The following RFC3 variants were observed in gnomAD, a reference collection of about 807,000 sequenced individuals.
The protein encoded by RFC3 is A1 38 kDa subunit.
In RFC3, 41 loss-of-function variants were observed where a neutral mutation model predicts 45.1. That is an observed-to-expected ratio of 0.91 (90% CI 0.71 to 1.18). The LOEUF (loss-of-function observed/expected upper bound fraction) is 1.18, where lower values mean the gene tolerates loss of function less well. Among genes scored for constraint, RFC3 ranks in the 50% most tolerant of loss-of-function variants. The pLI, the probability that RFC3 is intolerant of heterozygous loss-of-function variation, is 0.00. For synonymous variants in RFC3, 149 were observed against 144.0 expected (o/e 1.03, Z -0.25); for missense variants, 423 against 428.1 (o/e 0.99, Z 0.10).
intron 8 of RFC3, among the ~76,000 whole-genome samples, chr13:33,944,296 C>T (rs888040402): frequency 1.4e-4 from 22 of 152,140 alleles, no homozygotes; most frequent in African/African-American, 5.1e-4. Context: ...CTTTGCAAAT[C>T]CCTACATTTG....
intron 8 of RFC3, among the ~76,000 whole-genome samples, chr13:33,889,423 C>T (rs1401664857): frequency 2.6e-5 from 4 of 152,134 alleles, no homozygotes; most frequent in African/African-American, 4.8e-5. Context: ...TTAACATTCT[C>T]TTTATAGTTG....
intron 8 of RFC3, among the ~76,000 whole-genome samples, chr13:33,961,607 C>A (rs1377056944): frequency 6.6e-6 from 1 of 152,132 alleles, no homozygotes; most frequent in African/African-American, 2.4e-5. Context: ...GCCTAGGTTT[C>A]CAGGGTAAAG....
At chr13:33,861,229 G>A (rs757158673) in intron 8 of RFC3, among the ~76,000 whole-genome samples, 1 of 152,172 alleles carries the variant, frequency 6.6e-6, no homozygotes, top group Non-Finnish European at 1.5e-5. Context: ...ATTTCTTAGA[G>A]CATTGATGAT....
At chr13:33,824,625 C>G (rs1410367989) in intron 3 of RFC3, among the ~76,000 whole-genome samples, 1 of 151,978 alleles carries the variant, frequency 6.6e-6, no homozygotes, top group East Asian at 1.9e-4. Context: ...CAGTCATATT[C>G]AACATGGGCA....
At chr13:33,895,741 A>C (rs2082593602) in intron 8 of RFC3, among the ~76,000 whole-genome samples, 1 of 152,206 alleles carries the variant, frequency 6.6e-6, no homozygotes. Context: ...AATTGCAAAG[A>C]CATGGAACCA....
chr13:33,863,752 A>T (rs184163368), intron 8 of RFC3, among the ~76,000 whole-genome samples: 1 of 152,176 alleles, frequency 6.6e-6, no homozygotes, highest in Non-Finnish European at 1.5e-5. Context: ...GCCCTGCTGT[A>T]TAAGTACTCT....
chr13:33,958,579 G>C (rs951577446), intron 8 of RFC3, among the ~76,000 whole-genome samples: 5 of 152,236 alleles, frequency 3.3e-5, no homozygotes, highest in Non-Finnish European at 7.3e-5. Flanking sequence ...ACAGCATAGA[G>C]ACGGAAAACA....
chr13:33,876,330 A>C (rs1005687258), intron 8 of RFC3, among the ~76,000 whole-genome samples: 13 of 152,136 alleles, frequency 8.5e-5, no homozygotes, highest in Non-Finnish European at 1.6e-4. Flanking sequence ...TGAAGGCAAA[A>C]AGCACCCCTG....
intron 8 of RFC3, among the ~76,000 whole-genome samples, chr13:33,915,282 G>A (rs2082725818): frequency 6.6e-6 from 1 of 152,104 alleles, no homozygotes; most frequent in Admixed American, 6.6e-5. Flanking sequence ...AGAGAATTCA[G>A]GAGATAAAAT....
intron 8 of RFC3, among the ~76,000 whole-genome samples, chr13:33,857,333 C>A (rs150361091): frequency 6.6e-6 from 1 of 152,262 alleles, no homozygotes; most frequent in East Asian, 1.9e-4. Flanking sequence ...GCTCTTCCTA[C>A]AGAATGGACT....
intron 8 of RFC3, among the ~76,000 whole-genome samples, chr13:33,896,121 A>C (rs1212151463): frequency 2.0e-5 from 3 of 151,988 alleles, no homozygotes; most frequent in Non-Finnish European, 4.4e-5. Flanking sequence ...ATTTGTTTGC[A>C]TAACAAAAAA....
the RFC3 span, among the ~76,000 whole-genome samples, chr13:33,975,141 A>G: frequency 1.3e-5 from 2 of 152,230 alleles, no homozygotes; most frequent in Non-Finnish European, 2.9e-5. Context: ...AGTAACCAAG[A>G]CGTCCTTCAA....
At chr13:33,971,671 A>G in the RFC3 span, among the ~76,000 whole-genome samples, 2 of 152,272 alleles carry the variant, frequency 1.3e-5, no homozygotes, top group African/African-American at 4.8e-5. Context: ...GCAGCATTTC[A>G]TCACAAGAAC....
intron 8 of RFC3, 91 bp downstream of exon 8, chr13:33,835,308 C>A: frequency 1.2e-6 from 1 of 807,296 alleles, no homozygotes; most frequent in Non-Finnish European, 2.2e-6. Context: ...ATCAAGATAT[C>A]ACCTCTTTCT....
intron 8 of RFC3, chr13:33,835,453 TAAA>T (rs765366149): frequency 2.9e-6 from 2 of 682,238 alleles, no homozygotes; most frequent in Non-Finnish European, 5.5e-6. Flanking sequence ...GGAGAACAAA[TAAA>T]GAAGAGAATT....
At chr13:33,819,518 A>G (rs2081982173) in intron 1 of RFC3, among the ~76,000 whole-genome samples, 1 of 152,202 alleles carries the variant, frequency 6.6e-6, no homozygotes, top group Non-Finnish European at 1.5e-5. Context: ...AAGATTGTAC[A>G]CGTAAAAATC....
intron 8 of RFC3, among the ~76,000 whole-genome samples, chr13:33,893,500 G>A (rs1254589218): frequency 6.6e-6 from 1 of 151,890 alleles, no homozygotes; most frequent in Non-Finnish European, 1.5e-5. Context: ...AGCAAGCAGG[G>A]TACTATGACC....
chr13:33,874,117 C>T (rs950047207), intron 8 of RFC3, among the ~76,000 whole-genome samples: 1 of 152,294 alleles, frequency 6.6e-6, no homozygotes, highest in East Asian at 1.9e-4. Flanking sequence ...TTCTGGACCA[C>T]ACATAAAGAG....
At chr13:33,822,328 C>T (rs2082011039) in intron 2 of RFC3, among the ~76,000 whole-genome samples, 1 of 151,998 alleles carries the variant, frequency 6.6e-6, no homozygotes, top group Non-Finnish European at 1.5e-5. Context: ...TCTGTTTGCC[C>T]CAGGTGACAC....
Sources: allele counts gnomAD v4.1 joint callset (sites outside exome capture counted in the v4.1 genomes callset), GRCh38; gene constraint gnomAD v4.1.1; transcripts MANE v1.5; gene names NCBI Gene and HGNC (gene_info 2026-07-23, HGNC 2026-07-21).